The following LACTBL1 variants were observed in gnomAD, a reference collection of about 807,000 sequenced individuals.
The protein encoded by LACTBL1 is lactamase beta like 1.
A neutral mutation model predicts 39.6 loss-of-function variants in LACTBL1; 29 were observed. The ratio of observed to expected loss-of-function variants is 0.73; its 90% confidence interval spans 0.55 to 1.00. The LOEUF is 1.00. Ranked by LOEUF, LACTBL1 falls within the 50% of genes least tolerant of loss-of-function variation. The pLI is 0.00. For missense variants in LACTBL1, 711 were observed against 748.5 expected (o/e 0.95, Z 0.59); for synonymous variants, 361 against 360.7 (o/e 1.00, Z -0.01).
upstream of LACTBL1, among the ~76,000 whole-genome samples, chr1:22,969,783 C>A (rs1308800011): frequency 1.3e-5 from 2 of 152,192 alleles, no homozygotes; most frequent in Non-Finnish European, 1.5e-5. Context: ...CTTCCCCAGG[C>A]AGAGCCGCTC....
chr1:22,953,355 C>A (rs748343724), exon 6 of LACTBL1: 83 of 1,228,878 alleles, frequency 6.8e-5, no homozygotes, highest in Non-Finnish European at 1.6e-5. Context: ...GCCCGGCGCG[C>A]ACCTCGTAGA....
At chr1:22,969,904 C>A (rs779715351), upstream of LACTBL1, among the ~76,000 whole-genome samples, 4 of 152,140 alleles carry the variant, frequency 2.6e-5, no homozygotes, top group African/African-American at 4.8e-5. Context: ...ACACCTAGTA[C>A]CCCACCTGGC....
chr1:22,953,988 G>A (rs992991140), exon 6 of LACTBL1: 3 of 1,545,038 alleles, frequency 1.9e-6, no homozygotes, highest in Non-Finnish European at 2.6e-6. Flanking sequence ...CCAGGACGTG[G>A]GCCAGGAGCG....
intron 1 of LACTBL1, 45 bp downstream of exon 3, chr1:22,965,245 C>T: frequency 7.7e-7 from 1 of 1,298,242 alleles, no homozygotes; most frequent in South Asian, 2.6e-5. Context: ...CCCAGGAGGA[C>T]CCAGGGGGCT....
chr1:22,964,472 G>A (rs1259748643), intron 1 of LACTBL1, among the ~76,000 whole-genome samples: 1 of 152,204 alleles, frequency 6.6e-6, no homozygotes, highest in Non-Finnish European at 1.5e-5. Context: ...AAGCCGACTT[G>A]CCCAGTGCAC....
At chr1:22,961,356 T>C (rs1234214292) in intron 2 of LACTBL1, among the ~76,000 whole-genome samples, 1 of 151,988 alleles carries the variant, frequency 6.6e-6, no homozygotes, top group Non-Finnish European at 1.5e-5. Flanking sequence ...ACTTCTTTTT[T>C]TGTTGTTTTG....
exon 6 of LACTBL1, chr1:22,953,597 C>A: frequency 7.9e-7 from 1 of 1,259,644 alleles, no homozygotes. Context: ...AGATCGCCGT[C>A]CTTGCGCACC....
upstream of LACTBL1, among the ~76,000 whole-genome samples, chr1:22,967,635 A>G (rs1640895059): frequency 6.6e-6 from 1 of 150,798 alleles, no homozygotes. Context: ...GGTTCCATAC[A>G]TATATATATA....
chr1:22,970,076 A>G (rs1443363058), upstream of LACTBL1, among the ~76,000 whole-genome samples: 2 of 152,218 alleles, frequency 1.3e-5, no homozygotes, highest in Non-Finnish European at 1.5e-5. Context: ...AGGGTTGGCT[A>G]CTTGTAAAGA....
chr1:22,961,908 G>A (rs533662451), intron 2 of LACTBL1, among the ~76,000 whole-genome samples: 11 of 152,066 alleles, frequency 7.2e-5, no homozygotes, highest in East Asian at 3.9e-4. Flanking sequence ...CACCATGCCC[G>A]GCTGATGTTT....
chr1:22,959,951 G>T (rs1281522546), exon 3 of LACTBL1: 1 of 1,550,986 alleles, frequency 6.4e-7, no homozygotes, highest in Non-Finnish European at 8.7e-7. Context: ...CCTGTACATG[G>T]TGTACTCATT....
At chr1:22,953,099 G>C in exon 6 of LACTBL1, 1 of 1,232,234 alleles carries the variant, frequency 8.1e-7, no homozygotes, top group Non-Finnish European at 1.0e-6. Context: ...TACGTGTTGA[G>C]GCCGGGCACG....
At chr1:22,966,459 G>T (rs188818627), upstream of LACTBL1, among the ~76,000 whole-genome samples, 1 of 152,080 alleles carries the variant, frequency 6.6e-6, no homozygotes, top group African/African-American at 2.4e-5. Flanking sequence ...CAGTACACAC[G>T]CAATCCCTCA....
chr1:22,972,766 A>G, the LACTBL1 span: 5 of 683,900 alleles, frequency 7.3e-6, no homozygotes, highest in Non-Finnish European at 9.0e-6. Context: ...CTTGGCCACA[A>G]CTTACCCTCT....
At chr1:22,964,968 G>A (rs927696172) in intron 1 of LACTBL1, among the ~76,000 whole-genome samples, 1 of 152,178 alleles carries the variant, frequency 6.6e-6, no homozygotes, top group Non-Finnish European at 1.5e-5. Flanking sequence ...ATTCCATCAT[G>A]GTGGCCAAAG....
intron 4 of LACTBL1, among the ~76,000 whole-genome samples, chr1:22,957,997 C>T (rs750852316): frequency 6.6e-6 from 1 of 152,100 alleles, no homozygotes; most frequent in Non-Finnish European, 1.5e-5. Flanking sequence ...AATTCTGTTC[C>T]TCTCCTTTAC....
the LACTBL1 span, among the ~76,000 whole-genome samples, chr1:22,970,638 C>A: frequency 6.6e-6 from 1 of 151,716 alleles, no homozygotes; most frequent in South Asian, 2.1e-4. Context: ...CAAGACTCTG[C>A]CTGTACAAAA....
At position 22,954,043 on chromosome 1, in the gene LACTBL1, C is replaced by CA. The variant is rs1640738892; in HGVS notation, c.660-20dup. ...ATGGCATCTGGAAGGAGAGCAGTGG[C>CA]AAGTGGGACGGGGCCCTTCCTCACC... On this transcript the variant is annotated intron_variant, in intron 5 of 5. Transcript: ENST00000426928. 6.6e-7 allele frequency: 1 copy of CA among 1,508,348 alleles called. No homozygotes were observed. Among genetic ancestry groups the CA allele is most frequent in the Non-Finnish European group, 8.9e-7 (1 of 1,122,776 alleles). The allele number at this position is 1,508,348 out of a possible 1,614,324, so 93.4% of individuals were successfully genotyped here.
chr1:22,972,428 G>T, the LACTBL1 span: 103 of 985,104 alleles, frequency 1.0e-4, no homozygotes, highest in Middle Eastern at 5.2e-4. Flanking sequence ...GAGGTCCTGA[G>T]GGGCTGGAAA....
Sources: gnomAD v4.1 joint callset for allele counts (sites outside exome capture counted in the v4.1 genomes callset) on GRCh38, gnomAD v4.1.1 for gene constraint, MANE v1.5 for transcripts, NCBI Gene and HGNC (gene_info 2026-07-23, HGNC 2026-07-21) for gene names.